Variants in RAPGEF6 observed in about 807,000 individuals in gnomAD.
RAPGEF6 encodes the protein Rap guanine nucleotide exchange factor 6, also known as PDZ domain containing guanine nucleotide exchange factor (GEF) 2.
In RAPGEF6, 56 loss-of-function variants were observed where a neutral mutation model predicts 171.4. The ratio of observed to expected loss-of-function variants is 0.33; its 90% CI spans 0.26 to 0.41. The LOEUF (loss-of-function observed/expected upper bound fraction) is 0.41. Among genes scored for constraint, RAPGEF6 ranks in the 10% least tolerant of loss-of-function variants. RAPGEF6 has a pLI of 1.00. For missense variants in RAPGEF6, 1,674 were observed against 1,921.4 expected (o/e 0.87, Z 2.41); for synonymous variants, 692 against 650.1 (o/e 1.06, Z -0.98).
intron 11 of RAPGEF6, among the ~76,000 whole-genome samples, chr5:131,503,449 C>T (rs983306817): frequency 1.3e-5 from 2 of 151,974 alleles, no homozygotes; most frequent in Non-Finnish European, 2.9e-5. Flanking sequence ...TATGGCATTC[C>T]ACCAGTATGT....
chr5:131,498,308 G>T, intron 12 of RAPGEF6, 135 bp downstream of exon 12: 1 of 786,670 alleles, frequency 1.3e-6, no homozygotes. Flanking sequence ...TGTTTATACT[G>T]ATGGTTCAGG....
At chr5:131,615,944 C>G (rs1391876686) in intron 1 of RAPGEF6, among the ~76,000 whole-genome samples, 3 of 151,902 alleles carry the variant, frequency 2.0e-5, no homozygotes, top group Non-Finnish European at 2.9e-5. Flanking sequence ...GGTGGGAAAA[C>G]TATCCACCTG....
At chr5:131,476,963 A>C (rs1042677624) in intron 16 of RAPGEF6, among the ~76,000 whole-genome samples, 1 of 152,222 alleles carries the variant, frequency 6.6e-6, no homozygotes. Context: ...CTGTGAGGAA[A>C]CAAATGGTAT....
chr5:131,620,909 A>G (rs1029047619), intron 1 of RAPGEF6, among the ~76,000 whole-genome samples: 2 of 152,286 alleles, frequency 1.3e-5, no homozygotes, highest in South Asian at 4.1e-4. Flanking sequence ...CACTCTTCAC[A>G]TATACTGCCA....
In RAPGEF6 at chr5:131,521,885, ACACACACTCT is replaced by A. The variant is rs765735864; in HGVS notation, c.496-374_496-365del. 7.9e-3 allele frequency among the ~76,000 whole-genome samples: 1,000 copies of A among 126,862 alleles called. 8 individuals are homozygous for A. Among genetic ancestry groups the A allele is most frequent in the South Asian group, 0.01 (41 of 3,968 alleles). The allele number at this position is 126,862 out of a possible 152,430, so 83.2% of individuals were successfully genotyped here. A position where few individuals can be genotyped will look rare whatever the true frequency, so the allele number is the denominator to read the frequency against. On this transcript the variant is annotated intron_variant, in intron 6 of 27. Coordinates refer to ENST00000509018, the MANE Select transcript of RAPGEF6 (RefSeq NM_016340.6). Reference sequence around the variant, plus strand: ...CACACACACACACACACACACACACACACACACTCTCTCTCTCTCTCACACACACACTCAC... The same window carrying A: ...CACACACACACACACACACACACACACTCTCTCTCTCACACACACACTCAC...
intron 21 of RAPGEF6, chr5:131,450,048 T>A: frequency 6.5e-7 from 1 of 1,543,848 alleles, no homozygotes; most frequent in Non-Finnish European, 8.7e-7. Context: ...CTCTTCTTCC[T>A]GTAAGCAAGA....
intron 17 of RAPGEF6, among the ~76,000 whole-genome samples, chr5:131,468,761 C>T (rs1324534044): frequency 3.3e-5 from 5 of 151,882 alleles, no homozygotes; most frequent in South Asian, 2.1e-4. Context: ...AACACGAGCT[C>T]GACGAAAGAC....
intron 6 of RAPGEF6, among the ~76,000 whole-genome samples, chr5:131,524,807 G>C (rs2149914423): frequency 6.6e-6 from 1 of 152,252 alleles, no homozygotes; most frequent in African/African-American, 2.4e-5. Context: ...GTACAGAAGG[G>C]GTTTCACCAC....
At chr5:131,466,251 C>T (rs551391186) in intron 17 of RAPGEF6, among the ~76,000 whole-genome samples, 6 of 152,220 alleles carry the variant, frequency 3.9e-5, no homozygotes, top group Non-Finnish European at 5.9e-5. Flanking sequence ...ACTCTGGTTC[C>T]TTCTGTAAGA....
At chr5:131,501,873 A>G (rs963485821) in intron 11 of RAPGEF6, among the ~76,000 whole-genome samples, 43 of 152,288 alleles carry the variant, frequency 2.8e-4, no homozygotes, top group African/African-American at 1.0e-3. Flanking sequence ...AAAGTTATAG[A>G]TGTGTATGTG....
chr5:131,480,455 C>T (rs754051281), intron 15 of RAPGEF6, among the ~76,000 whole-genome samples: 1 of 152,096 alleles, frequency 6.6e-6, no homozygotes, highest in Non-Finnish European at 1.5e-5. Context: ...TTTACTTTTA[C>T]CAAAAGCAGT....
chr5:131,479,675 CT>C lies in RAPGEF6; in HGVS notation c.1918del (p.Ser640ValfsTer59), dbSNP rs752725730. 6.2e-7 allele frequency: 1 copy of C among 1,609,640 alleles called. No homozygotes were observed. Among genetic ancestry groups the C allele is most frequent in the African/African-American group, 1.3e-5 (1 of 74,712 alleles). On this transcript the variant is annotated frameshift_variant, in exon 16 of 28. Coordinates refer to ENST00000509018, the MANE Select transcript of RAPGEF6 (RefSeq NM_016340.6). LOFTEE classifies it high-confidence loss of function. ...PHIPKIAEKK[S>X]NRHSIQHVPG... Reference sequence around the variant, plus strand: ...CACATGCTGGATAGAATGGCGATTACTTTTTTTTTCAGCAATTTTGGGAATA... The same window carrying C: ...CACATGCTGGATAGAATGGCGATTACTTTTTTTTCAGCAATTTTGGGAATA...
At chr5:131,483,900 A>C (rs1429557201) in intron 15 of RAPGEF6, among the ~76,000 whole-genome samples, 1 of 151,872 alleles carries the variant, frequency 6.6e-6, no homozygotes, top group Non-Finnish European at 1.5e-5. Flanking sequence ...GGAGATTGAG[A>C]CCATCCTGGC....
At chr5:131,513,474 AGAT>A (rs1757873891) in intron 7 of RAPGEF6, among the ~76,000 whole-genome samples, 1 of 152,156 alleles carries the variant, frequency 6.6e-6, no homozygotes, top group South Asian at 2.1e-4. Context: ...CCCATATTTT[AGAT>A]TATGTTGGAT....
chr5:131,593,680 T>C (rs1763719975), intron 3 of RAPGEF6, among the ~76,000 whole-genome samples: 1 of 152,250 alleles, frequency 6.6e-6, no homozygotes. Context: ...AAGGTCACTC[T>C]TGCTATGCTT....
chr5:131,432,009 T>C (rs944572869), intron 25 of RAPGEF6, among the ~76,000 whole-genome samples: 20 of 152,112 alleles, frequency 1.3e-4, no homozygotes, highest in Non-Finnish European at 2.6e-4. Context: ...CAATTACCCA[T>C]GAAATGAATA....
intron 9 of RAPGEF6, among the ~76,000 whole-genome samples, chr5:131,507,673 A>G (rs910317705): frequency 6.6e-6 from 1 of 152,222 alleles, no homozygotes; most frequent in Non-Finnish European, 1.5e-5. Flanking sequence ...TTTTAAATGT[A>G]TAATAGAAAT....
intron 4 of RAPGEF6, among the ~76,000 whole-genome samples, chr5:131,580,123 C>G (rs1371750709): frequency 7.7e-5 from 1 of 13,026 alleles, no homozygotes; most frequent in African/African-American, 3.9e-4. Context: ...CGCGTGGGAG[C>G]CCACTGTGGG....
At chr5:131,439,531 T>C (rs762383693) in intron 24 of RAPGEF6, 50 bp downstream of exon 24, 1 of 1,544,326 alleles carries the variant, frequency 6.5e-7, no homozygotes, top group Non-Finnish European at 8.7e-7. Flanking sequence ...ATATGTGCTA[T>C]AAAGTATTGT....
Sources: gnomAD v4.1 joint callset for allele counts (sites outside exome capture counted in the v4.1 genomes callset) on GRCh38, gnomAD v4.1.1 for gene constraint, MANE v1.5 for transcripts, NCBI Gene and HGNC (gene_info 2026-07-23, HGNC 2026-07-21) for gene names.